Variants in CUX2 observed in about 807,000 individuals in gnomAD.
The protein encoded by CUX2 is cut like homeobox 2.
A neutral mutation model predicts 144.8 loss-of-function variants in CUX2; 40 were observed. That is an observed-to-expected ratio of 0.28 (90% CI 0.21 to 0.36). The LOEUF (loss-of-function observed/expected upper bound fraction) is 0.36. Ranked by LOEUF, CUX2 falls within the 10% of genes least tolerant of loss-of-function variation. The probability of loss-of-function intolerance (pLI) is 1.00; values close to 1 mark genes in which losing one functional copy is unlikely to be tolerated. For synonymous variants in CUX2, 827 were observed against 875.6 expected, an observed-to-expected ratio of 0.94 and a Z score of 0.98; for missense variants, 1,615 against 1,994.0, an observed-to-expected ratio of 0.81 and a Z score of 3.62.
chr12:111,302,746 A>G (rs1312990845), intron 9 of CUX2, among the ~76,000 whole-genome samples: 1 of 152,028 alleles, frequency 6.6e-6, no homozygotes, highest in Non-Finnish European at 1.5e-5. Flanking sequence ...CTAAAGATAC[A>G]AAAAGTAGAC....
At chr12:111,241,180 G>C (rs1178115362) in intron 3 of CUX2, among the ~76,000 whole-genome samples, 2 of 152,076 alleles carry the variant, frequency 1.3e-5, no homozygotes, top group East Asian at 3.8e-4. Flanking sequence ...TGGTGAGAGA[G>C]GAAACAAGAG....
At position 111,342,062 on chromosome 12, in the gene CUX2, A is replaced by G. The variant is rs1458581701; in HGVS notation, c.3659+9A>G. ...TGGTTCCACAACTACAGGTGGGACTATGGGGGCGTACCCACAGGCGGGTGG... is the reference window on the plus strand; with the variant it reads ...TGGTTCCACAACTACAGGTGGGACTGTGGGGGCGTACCCACAGGCGGGTGG... On this transcript the variant is annotated intron_variant, in intron 21 of 21. Coordinates refer to ENST00000261726, the MANE Select transcript of CUX2 (RefSeq NM_015267.4). The G allele has an allele frequency of 1.9e-6, 3 of 1,605,580 alleles. No individual in the cohort carries two copies. The Admixed American group carries it at 5.1e-5, about 27-fold the overall frequency.
At chr12:111,342,290 C>T (rs1219813479) in intron 21 of CUX2, among the ~76,000 whole-genome samples, 1 of 151,812 alleles carries the variant, frequency 6.6e-6, no homozygotes, top group Non-Finnish European at 1.5e-5. Context: ...CCAGCCCTGG[C>T]AACATAGGGA....
intron 1 of CUX2, among the ~76,000 whole-genome samples, chr12:111,058,581 G>A (rs1208529402): frequency 6.6e-6 from 1 of 151,514 alleles, no homozygotes; most frequent in Non-Finnish European, 1.5e-5. Context: ...GACAGACAGA[G>A]AGAGAGACAG....
chr12:111,227,860 T>C (rs1422886621), intron 3 of CUX2, among the ~76,000 whole-genome samples: 3 of 152,058 alleles, frequency 2.0e-5, no homozygotes, highest in Admixed American at 2.0e-4. Context: ...TATACAAGGG[T>C]GAGTGCCAGC....
At chr12:111,265,672 C>T (rs938536838) in intron 4 of CUX2, among the ~76,000 whole-genome samples, 1 of 152,044 alleles carries the variant, frequency 6.6e-6, no homozygotes, top group Non-Finnish European at 1.5e-5. Flanking sequence ...AATGGCCCAT[C>T]CCCTGCTACC....
rs570931689 is a variant in CUX2 at position 111,200,364 on chromosome 12, G to A, written c.64-13836G>A. ...TAATAAAATGTAGAAAGATAAAATG[G>A]GATTTTTTTTTTAGGTTGTGTTTTT... On this transcript the variant is annotated intron_variant, in intron 1 of 21. Coordinates refer to ENST00000261726, the MANE Select transcript of CUX2 (RefSeq NM_015267.4). 1.3e-4 allele frequency among the ~76,000 whole-genome samples: 20 copies of A among 152,098 alleles called. No homozygotes were observed. In the South Asian group the frequency reaches 3.6e-3, roughly 27 times the overall value.
In CUX2 at chr12:111,039,012, A is replaced by G. The variant is rs1362728937; in HGVS notation, c.63+4772A>G. On this transcript the variant is annotated intron_variant, in intron 1 of 21. Coordinates refer to ENST00000261726, the MANE Select transcript of CUX2 (RefSeq NM_015267.4). This position sits in a 1 kb window ranked among gnomAD's most constrained non-coding sequence, Gnocchi z 4.2. ...AGAGGATTCTATCTTCGAACTTGAC[A>G]TTCTGTCATGGTAACCTTTCTTCCG... Among the ~76,000 whole-genome samples the G allele has an allele frequency of 1.3e-5, 2 of 151,740 alleles. No individual in the cohort carries two copies. The highest frequency in any genetic ancestry group is 2.9e-5 in the Non-Finnish European group (2 of 67,958).
At chr12:111,232,118 A>G (rs1212521446) in intron 3 of CUX2, among the ~76,000 whole-genome samples, 2 of 152,230 alleles carry the variant, frequency 1.3e-5, no homozygotes, top group Admixed American at 1.3e-4. Context: ...TATGACACTC[A>G]ATCAGTGTCA....
At chr12:111,036,460 A>T (rs1869451041) in intron 1 of CUX2, among the ~76,000 whole-genome samples, 1 of 152,146 alleles carries the variant, frequency 6.6e-6, no homozygotes, top group Non-Finnish European at 1.5e-5. Context: ...CCAAATCTTG[A>T]TTCCAGCTGG....
intron 1 of CUX2, among the ~76,000 whole-genome samples, chr12:111,163,045 CAAAAA>C (rs559797657): frequency 8.9e-6 from 1 of 112,942 alleles, no homozygotes. Context: ...GACTCTGTCT[CAAAAA>C]AAAAAAAAAA....
chr12:111,171,008 C>T lies in CUX2; in HGVS notation c.64-43192C>T, dbSNP rs1396971073. Among the ~76,000 whole-genome samples, 1 of 152,202 alleles carries T rather than the reference C, an allele frequency of 6.6e-6. No individual in the cohort carries two copies. The highest frequency in any genetic ancestry group is 1.9e-4 in the East Asian group (1 of 5,168). ...TGGGAATGGGAGGGGAGTGGGGAAGCGCCAGGTAGGGTCCAGCAAGGTGTT... is the reference window on the plus strand; with the variant it reads ...TGGGAATGGGAGGGGAGTGGGGAAGTGCCAGGTAGGGTCCAGCAAGGTGTT... On this transcript the variant is annotated intron_variant, in intron 1 of 21. Coordinates refer to ENST00000261726, the MANE Select transcript of CUX2 (RefSeq NM_015267.4). The surrounding 1 kb of genome is among the most constrained non-coding windows in gnomAD (Gnocchi z 5.0).
At position 111,321,119 on chromosome 12, in the gene CUX2, C is replaced by T. The variant is rs184024148; in HGVS notation, c.2766+344C>T. Among the ~76,000 whole-genome samples, 163 of 152,212 alleles carry T rather than the reference C, an allele frequency of 1.1e-3. 1 individual carries two copies. Among genetic ancestry groups the T allele is most frequent in the Non-Finnish European group, 1.9e-3 (127 of 68,002 alleles). On this transcript the variant is annotated intron_variant, in intron 17 of 21. Coordinates refer to ENST00000261726, the MANE Select transcript of CUX2 (RefSeq NM_015267.4). ...GACGGAGGTGGGAAGATCTCTTGAGCCCAGAAGTTTGAGACCAGCCTGGCC... is the reference window on the plus strand; with the variant it reads ...GACGGAGGTGGGAAGATCTCTTGAGTCCAGAAGTTTGAGACCAGCCTGGCC...
At chr12:111,184,848 G>A (rs531793339) in intron 1 of CUX2, among the ~76,000 whole-genome samples, 2 of 152,222 alleles carry the variant, frequency 1.3e-5, no homozygotes, top group South Asian at 4.1e-4. Flanking sequence ...CAGATCACGA[G>A]GTCAGGAGAT....
intron 1 of CUX2, among the ~76,000 whole-genome samples, chr12:111,041,357 G>A (rs1041491205): frequency 1.3e-5 from 2 of 152,176 alleles, no homozygotes; most frequent in South Asian, 2.1e-4. Context: ...AAACAGCAGC[G>A]GCTGGAACTT....
In CUX2 at chr12:111,194,035, C is replaced by T. The variant is rs745325963; in HGVS notation, c.64-20165C>T. Among the ~76,000 whole-genome samples, 71 of 152,344 alleles carry T rather than the reference C, an allele frequency of 4.7e-4. 1 individual carries two copies. Among genetic ancestry groups the T allele is most frequent in the Non-Finnish European group, 6.5e-4 (44 of 68,036 alleles). Reference sequence around the variant, plus strand: ...GACAGCATTAAGGACCTCCACATTCCTGCGGGGTCTTTGGTCTCACAGTGC... The same window carrying T: ...GACAGCATTAAGGACCTCCACATTCTTGCGGGGTCTTTGGTCTCACAGTGC... On this transcript the variant is annotated intron_variant, in intron 1 of 21. Coordinates refer to ENST00000261726, the MANE Select transcript of CUX2 (RefSeq NM_015267.4).
intron 1 of CUX2, chr12:111,099,766 CA>C (rs1873091613): frequency 2.3e-6 from 1 of 442,960 alleles, no homozygotes; most frequent in South Asian, 1.6e-5. Flanking sequence ...AAATCAGACC[CA>C]GGCAGCCTGG....
intron 1 of CUX2, among the ~76,000 whole-genome samples, chr12:111,198,034 C>T (rs909704887): frequency 2.6e-5 from 4 of 152,086 alleles, no homozygotes; most frequent in Non-Finnish European, 5.9e-5. Context: ...CACCCTGGAC[C>T]CTAAAGTGAG....
intron 9 of CUX2, among the ~76,000 whole-genome samples, chr12:111,300,640 A>G (rs960416857): frequency 2.0e-5 from 3 of 152,172 alleles, no homozygotes; most frequent in East Asian, 1.9e-4. Context: ...CAGCTGTGCA[A>G]TCCATACAGT....
Sources: allele counts gnomAD v4.1 joint callset (sites outside exome capture counted in the v4.1 genomes callset), GRCh38; gene constraint gnomAD v4.1.1; non-coding constraint Gnocchi (gnomAD v3.1); transcripts MANE v1.5; gene names NCBI Gene and HGNC (gene_info 2026-07-23, HGNC 2026-07-21).